OSMR: variants seen among roughly 807,000 people sequenced by gnomAD.
The protein encoded by OSMR is oncostatin-M-specific receptor subunit beta.
Under a neutral mutation model 99.9 loss-of-function variants are expected in OSMR, and 81 were observed. The ratio of observed to expected loss-of-function variants is 0.81; its 90% CI spans 0.68 to 0.97. OSMR has a LOEUF of 0.97. Among genes scored for constraint, OSMR ranks in the 50% least tolerant of loss-of-function variants. The pLI is 0.00. For missense variants in OSMR, 1,099 were observed against 1,153.4 expected, an observed-to-expected ratio of 0.95 and a Z score of 0.68; for synonymous variants, 406 against 410.4, an observed-to-expected ratio of 0.99 and a Z score of 0.13.
At chr5:38,856,652 T>A (rs1740876373) in intron 1 of OSMR, among the ~76,000 whole-genome samples, 1 of 152,154 alleles carries the variant, frequency 6.6e-6, no homozygotes, top group African/African-American at 2.4e-5. Context: ...TGTGATCTTT[T>A]ATTTTTGGTT....
intron 7 of OSMR, among the ~76,000 whole-genome samples, chr5:38,895,133 G>C (rs1408503321): frequency 2.0e-5 from 3 of 152,036 alleles, no homozygotes; most frequent in Non-Finnish European, 4.4e-5. Context: ...CTAAATGCCT[G>C]CATCAAGAAG....
chr5:38,932,804 A>C, intron 17 of OSMR, 68 bp from the exon 18 acceptor site: 6 of 1,604,730 alleles, frequency 3.7e-6, no homozygotes, highest in Non-Finnish European at 4.3e-6. Context: ...TCACATGCTT[A>C]ATATACTTTG....
chr5:38,942,978 TA>T, intron 1 of OSMR: 1 of 1,590,272 alleles, frequency 6.3e-7, no homozygotes, highest in African/African-American at 1.3e-5. Context: ...AATTCTAAAA[TA>T]AAAGATTATG....
rs759704176 is a variant in OSMR at position 38,933,013 on chromosome 5, TA to T, written c.2510del (p.Tyr837SerfsTer23). The stretch of plus-strand genomic sequence containing the variant: ...AGAAACCGAGTTGACTAAGCCTAAC[TA>T]CCTTTATCTCCTTCCAACAGAAAAG... ...LTETELTKPN[Y>X]LYLLPTEKNH... On this transcript the variant is annotated frameshift_variant, in exon 18 of 18. Coordinates refer to ENST00000274276, the MANE Select transcript of OSMR (RefSeq NM_003999.3). LOFTEE classifies it low-confidence loss of function (END_TRUNC). 1 of 1,614,138 alleles carries T rather than the reference TA, an allele frequency of 6.2e-7. No individual in the cohort carries two copies. Among genetic ancestry groups the T allele is most frequent in the South Asian group, 1.1e-5 (1 of 91,086 alleles).
At chr5:38,851,303 C>T (rs1167178154) in intron 1 of OSMR, among the ~76,000 whole-genome samples, 1 of 152,152 alleles carries the variant, frequency 6.6e-6, no homozygotes, top group Non-Finnish European at 1.5e-5. Flanking sequence ...CCCTCCATCT[C>T]AGCTCTAAAT....
At position 38,935,450 on chromosome 5, in the gene OSMR, C is replaced by CATTT. The variant is rs887836063; in HGVS notation, c.*2017_*2020dup. 3 of 152,098 alleles carry CATTT rather than the reference C, an allele frequency of 2.0e-5. No individual in the cohort carries two copies. The highest frequency in any genetic ancestry group is 2.9e-5 in the Non-Finnish European group (2 of 68,014). 9.4% of individuals were successfully genotyped at this position (152,098 alleles called of 1,614,324 possible). On this transcript the variant is annotated 3_prime_UTR_variant, in exon 18 of 18. Transcript: ENST00000274276. ...TAGACTTTAGGGCCAGTATTGTCAG[C>CATTT]ATTTATTTATTTATGTACCTTTGTT... is the stretch of plus-strand genomic sequence containing the variant.
chr5:38,857,441 T>C (rs1262414865), intron 1 of OSMR, among the ~76,000 whole-genome samples: 2 of 139,370 alleles, frequency 1.4e-5, no homozygotes, highest in Non-Finnish European at 3.1e-5. Flanking sequence ...CTATTTCCTC[T>C]AGAATTAGTT....
chr5:38,930,996 G>T (rs2112698146), intron 15 of OSMR, among the ~76,000 whole-genome samples: 1 of 150,654 alleles, frequency 6.6e-6, no homozygotes, highest in East Asian at 2.0e-4. Context: ...GCAAGGTTGT[G>T]GTTTTCGTAG....
chr5:38,931,458 C>T (rs1746747017), intron 15 of OSMR, among the ~76,000 whole-genome samples: 1 of 152,182 alleles, frequency 6.6e-6, no homozygotes, highest in African/African-American at 2.4e-5. Flanking sequence ...AGAGGGCAAG[C>T]CGATGTATGC....
Position 38,924,562 on chromosome 5 carries a change from TG to T in OSMR, c.2012del (p.Cys671SerfsTer29). 1 of 1,614,048 alleles carries T rather than the reference TG, an allele frequency of 6.2e-7. No homozygotes were observed. The highest frequency in any genetic ancestry group is 8.5e-7 in the Non-Finnish European group (1 of 1,179,862). The part of the protein sequence containing the change: ...HVYLKSKARQ[C>X]HPRFEKAVLS... ...CTATCTGAAATCCAAGGCGAGGCAGTGCCACCCACGATTTGAAAAGGCAGTT... is the reference window on the plus strand; with the variant it reads ...CTATCTGAAATCCAAGGCGAGGCAGTCCACCCACGATTTGAAAAGGCAGTT... On this transcript the variant is annotated frameshift_variant, in exon 14 of 18. Coordinates refer to ENST00000274276, the MANE Select transcript of OSMR (RefSeq NM_003999.3). LOFTEE classifies it high-confidence loss of function.
At chr5:38,911,602 A>G (rs954332738) in intron 9 of OSMR, among the ~76,000 whole-genome samples, 2 of 152,242 alleles carry the variant, frequency 1.3e-5, no homozygotes, top group Non-Finnish European at 1.5e-5. Flanking sequence ...TGTCAGAGAC[A>G]CAACAAAAAG....
At chr5:38,899,723 T>TGGG (rs1744771382) in intron 7 of OSMR, among the ~76,000 whole-genome samples, 3 of 152,200 alleles carry the variant, frequency 2.0e-5, no homozygotes, top group South Asian at 2.1e-4. Context: ...GGGCCTGGAA[T>TGGG]GGGGGCCTCA....
At chr5:38,886,361 C>G (rs760609311) in intron 7 of OSMR, 171 bp downstream of exon 7, 695 of 1,426,020 alleles carry the variant, frequency 4.9e-4, no homozygotes, top group Non-Finnish European at 5.9e-4. Flanking sequence ...GCACGCATCC[C>G]CTATTATTTG....
intron 11 of OSMR, chr5:38,919,565 C>A (rs1236483415): frequency 1.6e-5 from 5 of 317,522 alleles, no homozygotes; most frequent in South Asian, 1.4e-4. Flanking sequence ...TAATCTCTTG[C>A]CTATGAAAGA....
intron 1 of OSMR, among the ~76,000 whole-genome samples, chr5:38,858,077 C>A (rs748084542): frequency 5.3e-5 from 8 of 152,126 alleles, no homozygotes; most frequent in Non-Finnish European, 1.0e-4. Flanking sequence ...AAATCAGGGT[C>A]TTTTAGGATA....
At chr5:38,925,512 T>G in intron 15 of OSMR, 141 bp downstream of exon 15, 1 of 757,752 alleles carries the variant, frequency 1.3e-6, no homozygotes, top group Non-Finnish European at 2.4e-6. Flanking sequence ...TTTCTCTTGA[T>G]GAAACCCTTT....
chr5:38,848,003 A>AAT (rs1284391520), intron 1 of OSMR, among the ~76,000 whole-genome samples: 18 of 152,168 alleles, frequency 1.2e-4, no homozygotes, highest in Non-Finnish European at 2.6e-4. Context: ...TGGATCTCTC[A>AAT]TGTTTTTGTA....
intron 7 of OSMR, among the ~76,000 whole-genome samples, chr5:38,891,777 C>T (rs528490872): frequency 1.3e-5 from 2 of 152,348 alleles, no homozygotes; most frequent in Non-Finnish European, 2.9e-5. Context: ...GCCCCAATAG[C>T]GGCCATTGCC....
At chr5:38,886,223 C>A (rs1287701276) in intron 7 of OSMR, 33 bp downstream of exon 7, 1 of 1,613,882 alleles carries the variant, frequency 6.2e-7, no homozygotes, top group East Asian at 2.2e-5. Flanking sequence ...CCACCGTGGC[C>A]ACTAACGTGT....
Sources: allele counts gnomAD v4.1 joint callset (sites outside exome capture counted in the v4.1 genomes callset), GRCh38; gene constraint gnomAD v4.1.1; transcripts MANE v1.5; gene names NCBI Gene and HGNC (gene_info 2026-07-23, HGNC 2026-07-21).